LRP4: variants seen among roughly 807,000 people sequenced by gnomAD.
LRP4 encodes the protein LDL receptor related protein 4, also known as low-density lipoprotein receptor-related protein 4.
In LRP4, 95 loss-of-function variants were observed where a neutral mutation model predicts 220.3. The observed-to-expected ratio is 0.43, with a 90% CI of 0.37 to 0.51. The LOEUF (loss-of-function observed/expected upper bound fraction) is 0.51. LRP4 is among the 20% of genes least tolerant of loss of function. The pLI is 0.00. For synonymous variants in LRP4, 903 were observed against 954.6 expected (o/e 0.95, Z 1.00); for missense variants, 1,925 against 2,567.0 (o/e 0.75, Z 5.40).
intron 1 of LRP4, among the ~76,000 whole-genome samples, chr11:46,917,351 A>G (rs751853746): frequency 2.0e-5 from 3 of 152,230 alleles, no homozygotes; most frequent in Non-Finnish European, 4.4e-5. Context: ...GCTGGGGTTC[A>G]AAGATCAAAG....
chr11:46,915,438 AG>A (rs1941933524), intron 1 of LRP4, among the ~76,000 whole-genome samples: 1 of 152,216 alleles, frequency 6.6e-6, no homozygotes, highest in Admixed American at 6.5e-5. Context: ...CCAGCCATCA[AG>A]TTTCCTTCCA....
rs571704695 is a variant in LRP4 at position 46,889,331 on chromosome 11, C to A, written c.2215+80G>T. ...TGTGGTTTTTCCCATGACAGGCAATCCCTCCACGTCCTATCCCTTGTTCCT... is the reference window on the plus strand; with the variant it reads ...TGTGGTTTTTCCCATGACAGGCAATACCTCCACGTCCTATCCCTTGTTCCT... On this transcript the variant is annotated intron_variant, in intron 16 of 37. Transcript: ENST00000378623. The A allele has an allele frequency of 5.7e-6, 9 of 1,578,066 alleles. No homozygotes were observed. The African/African-American group carries it at 8.1e-5, about 14-fold the overall frequency.
chr11:46,879,893 T>C (rs1941110668), intron 20 of LRP4, among the ~76,000 whole-genome samples: 1 of 152,050 alleles, frequency 6.6e-6, no homozygotes, highest in South Asian at 2.1e-4. Flanking sequence ...TCACCTGAGG[T>C]CAGGAGTTCG....
intron 20 of LRP4, among the ~76,000 whole-genome samples, chr11:46,881,058 CAAAAAAAA>C (rs60125188): frequency 1.8e-5 from 1 of 56,106 alleles, no homozygotes; most frequent in Non-Finnish European, 3.0e-5. Flanking sequence ...TCTAAAAAAC[CAAAAAAAA>C]AAAAAAAAAA....
chr11:46,898,807 TC>T, intron 6 of LRP4, 96 bp downstream of exon 6: 2 of 1,605,554 alleles, frequency 1.2e-6, no homozygotes, highest in Non-Finnish European at 1.7e-6. Context: ...CAGAAACTCC[TC>T]TCTGAACTCC....
chr11:46,862,661 T>C lies in LRP4; in HGVS notation c.5330A>G (p.Lys1777Arg). The change falls in exon 37 of 38, where the codon AAG becomes AGG. Residue 1777 changes from lysine (K) to arginine (R), a missense_variant. By Grantham distance (26) the Lys-to-Arg change is conservative. Coordinates refer to ENST00000378623, the MANE Select transcript of LRP4 (RefSeq NM_002334.4). ...PSYRTSTQEV[K>R]IEAIPKPAMY... Reference sequence around the variant, plus strand: ...GGCTGGTTTGGGGATTGCTTCAATCTTCACTTCCTGTGTGGATGTTCGGTA... The same window carrying C: ...GGCTGGTTTGGGGATTGCTTCAATCCTCACTTCCTGTGTGGATGTTCGGTA... The C allele has an allele frequency of 6.2e-7, 1 of 1,614,108 alleles. No individual in the cohort carries two copies. Among genetic ancestry groups the C allele is most frequent in the Non-Finnish European group, 8.5e-7 (1 of 1,179,968 alleles).
Position 46,881,989 on chromosome 11 carries a change from C to T in LRP4, c.2613-86G>A, listed in dbSNP as rs557900103. 1,013 of 1,343,260 alleles carry T rather than the reference C, an allele frequency of 7.5e-4. 1 individual carries two copies. Among genetic ancestry groups the T allele is most frequent in the Non-Finnish European group, 9.4e-4 (897 of 949,500 alleles). 83.2% of individuals were successfully genotyped at this position (1,343,260 alleles called of 1,614,324 possible). A position where few individuals can be genotyped will look rare whatever the true frequency, so the allele number is the denominator to read the frequency against. ...AGTACCTAGGATTTCAGGGTTTCTG[C>T]CTGAAGCAGATCCTCATCAGCCTCA... On this transcript the variant is annotated intron_variant, in intron 19 of 37. Transcript: ENST00000378623.
intron 20 of LRP4, among the ~76,000 whole-genome samples, chr11:46,879,863 G>C (rs1166197236): frequency 1.3e-5 from 2 of 152,200 alleles, no homozygotes; most frequent in Non-Finnish European, 2.9e-5. Flanking sequence ...TGTCCACTTT[G>C]GGAGGTCCAG....
chr11:46,913,274 G>A (rs925879818), intron 1 of LRP4, among the ~76,000 whole-genome samples: 2 of 152,168 alleles, frequency 1.3e-5, no homozygotes, highest in Non-Finnish European at 2.9e-5. Flanking sequence ...AATCAAAAAC[G>A]CACAACAGAA....
Position 46,859,059 on chromosome 11 carries a change from G to A in LRP4, c.5642C>T (p.Thr1881Ile). The A allele has an allele frequency of 1.2e-6, 2 of 1,614,166 alleles. No individual in the cohort carries two copies. Among genetic ancestry groups the A allele is most frequent in the South Asian group, 1.1e-5 (1 of 91,086 alleles). The change falls in exon 38 of 38, where the codon ACT becomes ATT. Residue 1881 changes from threonine (T) to isoleucine (I), a missense_variant. Thr to Ile is a moderately conservative substitution (Grantham distance 89, BLOSUM62 -1). Coordinates refer to ENST00000378623, the MANE Select transcript of LRP4 (RefSeq NM_002334.4). ...SECSSVHTAA[T>I]PERRGSLPDT... ...TGGCAGAGAGCCTCGTCTTTCTGGAGTGGCTGCAGTATGGACGCTGCTACA... is the reference window on the plus strand; with the variant it reads ...TGGCAGAGAGCCTCGTCTTTCTGGAATGGCTGCAGTATGGACGCTGCTACA...
In LRP4 at chr11:46,899,724, C is replaced by A; in HGVS notation, c.430+139G>T. Reference sequence around the variant, plus strand: ...TCTGGGGGGTCTGAGCGGCTCTGCCCCCTCTGCGTTCCTCTAGCTGCTCCA... The same window carrying A: ...TCTGGGGGGTCTGAGCGGCTCTGCCACCTCTGCGTTCCTCTAGCTGCTCCA... On this transcript the variant is annotated intron_variant, in intron 4 of 37. Transcript: ENST00000378623. The surrounding 1 kb of genome is among the most constrained non-coding windows in gnomAD (Gnocchi z 5.9). 1 of 842,404 alleles carries A rather than the reference C, an allele frequency of 1.2e-6. No homozygotes were observed. The highest frequency in any genetic ancestry group is 1.4e-5 in the South Asian group (1 of 73,876). The allele number at this position is 842,404 out of a possible 1,614,324, so 52.2% of individuals were successfully genotyped here.
intron 1 of LRP4, 88 bp from the exon 2 acceptor site, chr11:46,903,017 G>C (rs1941696978): frequency 6.6e-7 from 1 of 1,526,520 alleles, no homozygotes; most frequent in Admixed American, 1.7e-5. Context: ...GCCTAGTCCA[G>C]GGGCACTGTC....
intron 7 of LRP4, 84 bp downstream of exon 7, chr11:46,898,474 C>T (rs995282872): frequency 6.3e-7 from 1 of 1,591,276 alleles, no homozygotes; most frequent in African/African-American, 1.3e-5. Context: ...GCATGAGCCA[C>T]CGCGCCCAGC....
Position 46,875,835 on chromosome 11 carries a change from G to A in LRP4, c.3668C>T (p.Ser1223Phe). Residue 1223 changes from serine (S) to phenylalanine (F), a missense_variant, in exon 26 of 38, where the codon TCC (serine) becomes TTC (phenylalanine). By Grantham distance (155) the Ser-to-Phe change is radical. This residue lies in a region of LRP4 where 1,244 missense variants were observed against 1,624.9 expected (regional missense o/e 0.77). Coordinates refer to ENST00000378623, the MANE Select transcript of LRP4 (RefSeq NM_002334.4). The surrounding 1 kb of genome is among the most constrained non-coding windows in gnomAD (Gnocchi z 4.5). ...GTGGGCATCGGCCCATAGCAGTTGGGAGCTGGCCTTGTCCACAGTCAGTCC... is the reference window on the plus strand; with the variant it reads ...GTGGGCATCGGCCCATAGCAGTTGGAAGCTGGCCTTGTCCACAGTCAGTCC... ...PNGLTVDKAS[S>F]QLLWADAHTE... The A allele has an allele frequency of 6.2e-7, 1 of 1,614,116 alleles. No homozygotes were observed. Among genetic ancestry groups the A allele is most frequent in the Non-Finnish European group, 8.5e-7 (1 of 1,180,028 alleles).
chr11:46,876,981 G>T, intron 23 of LRP4, 151 bp from the exon 24 acceptor site: 1 of 858,112 alleles, frequency 1.2e-6, no homozygotes, highest in East Asian at 2.5e-5. Context: ...TATCATAGCA[G>T]GATAGCTCTT....
chr11:46,858,654 A>G lies in LRP4; in HGVS notation c.*329T>C, dbSNP rs1422186695. 4 of 388,190 alleles carry G rather than the reference A, an allele frequency of 1.0e-5. No individual in the cohort carries two copies. The allele number at this position is 388,190 out of a possible 1,614,324, so 24.0% of individuals were successfully genotyped here. A position where few individuals can be genotyped will look rare whatever the true frequency, so the allele number is the denominator to read the frequency against. ...GCTGCATCAGCACTGAGAAGCAGGC[A>G]CTGAGGGTACTGGGGAAAGGGGAGG... On this transcript the variant is annotated 3_prime_UTR_variant, in exon 38 of 38. Transcript: ENST00000378623.
intron 8 of LRP4, 133 bp from the exon 9 acceptor site, chr11:46,896,468 G>T: frequency 2.7e-6 from 3 of 1,111,462 alleles, no homozygotes; most frequent in Non-Finnish European, 2.7e-6. Flanking sequence ...TGGGCAGGAA[G>T]CAGCTCAGAC....
intron 1 of LRP4, among the ~76,000 whole-genome samples, chr11:46,903,272 T>C (rs577984599): frequency 9.0e-4 from 137 of 152,098 alleles, no homozygotes; most frequent in African/African-American, 3.2e-3. Flanking sequence ...GATGGGAGGA[T>C]TGATTGAGCT....
Position 46,896,225 on chromosome 11 carries a change from G to A in LRP4, c.1033C>T (p.Pro345Ser), listed in dbSNP as rs1233205385. The change falls in exon 9 of 38, where the codon CCA becomes TCA. Residue 345 changes from proline (P) to serine (S), a missense_variant. By Grantham distance (74) the Pro-to-Ser change is moderately conservative (BLOSUM62 -1). Around this residue, in one of 3 missense-constraint regions of LRP4, gnomAD observed 412 missense variants for 505.4 expected, o/e 0.82. Coordinates refer to ENST00000378623, the MANE Select transcript of LRP4 (RefSeq NM_002334.4). The stretch of plus-strand genomic sequence containing the variant: ...GGACACTCACGGCAATTCTGCTGTG[G>A]GCTTTCGTCGCTGTTGTCACCACAG... ...NDCGDNSDES[P>S]QQNCRPRTGE... is the part of the protein sequence containing the mutation. 1.2e-6 allele frequency: 2 copies of A among 1,613,922 alleles called. No homozygotes were observed. The highest frequency in any genetic ancestry group is 1.7e-5 in the Admixed American group (1 of 60,010).
Sources: gnomAD v4.1 joint callset for allele counts (sites outside exome capture counted in the v4.1 genomes callset) on GRCh38, gnomAD v4.1.1 for gene constraint, gnomAD v4.1.1 regional missense constraint, Gnocchi (gnomAD v3.1) non-coding constraint, MANE v1.5 for transcripts, NCBI Gene and HGNC (gene_info 2026-07-23, HGNC 2026-07-21) for gene names.